The following RRAS2 variants were observed in gnomAD, a reference collection of about 807,000 sequenced individuals.
RRAS2 encodes the protein RAS related 2.
RRAS2 carries 7 observed loss-of-function variants against 27.6 expected under a neutral mutation model. That is an observed-to-expected ratio of 0.25 (90% confidence interval 0.14 to 0.48). RRAS2 has a LOEUF of 0.48. Ranked by LOEUF, RRAS2 falls within the 20% of genes least tolerant of loss-of-function variation. The pLI is 0.99. For missense variants in RRAS2, 178 were observed against 256.2 expected, an observed-to-expected ratio of 0.69 and a Z score of 2.08; for synonymous variants, 86 against 90.9, an observed-to-expected ratio of 0.95 and a Z score of 0.31.
chr11:14,318,005 T>C (rs1848148681), intron 1 of RRAS2, among the ~76,000 whole-genome samples: 1 of 152,212 alleles, frequency 6.6e-6, no homozygotes, highest in African/African-American at 2.4e-5. Context: ...CAGGTCATTT[T>C]CAAACGGAGC....
chr11:14,348,559 C>G (rs979730702), intron 1 of RRAS2, among the ~76,000 whole-genome samples: 12 of 152,122 alleles, frequency 7.9e-5, no homozygotes, highest in Non-Finnish European at 1.6e-4. Context: ...ATCATAGATC[C>G]TTACTCTATT....
At chr11:14,355,275 C>T (rs1849048843) in intron 1 of RRAS2, among the ~76,000 whole-genome samples, 1 of 152,088 alleles carries the variant, frequency 6.6e-6, no homozygotes, top group Admixed American at 6.5e-5. Context: ...TAAGAAACTA[C>T]TCAAAGTCAC....
At chr11:14,352,756 T>TATAG (rs1218929558) in intron 1 of RRAS2, among the ~76,000 whole-genome samples, 3 of 128,676 alleles carry the variant, frequency 2.3e-5, no homozygotes, top group Admixed American at 8.1e-5. Context: ...TATATATATA[T>TATAG]AGAGAGAGAG....
chr11:14,334,126 C>T (rs138407394), intron 1 of RRAS2, among the ~76,000 whole-genome samples: 7 of 152,238 alleles, frequency 4.6e-5, no homozygotes, highest in African/African-American at 1.4e-4. Flanking sequence ...ACTACTGGGT[C>T]GAAATTTATG....
rs371621684 is a variant in RRAS2, at chr11:14,302,649, G to T, written c.109-6794C>A. Among the ~76,000 whole-genome samples the T allele has an allele frequency of 3.3e-4, 50 of 152,276 alleles. No homozygotes were observed. In the East Asian group the frequency reaches 6.9e-3, roughly 21 times the overall value. On this transcript the variant is annotated intron_variant, in intron 1 of 5. Coordinates refer to ENST00000256196, the MANE Select transcript of RRAS2 (RefSeq NM_012250.6). The stretch of plus-strand genomic sequence containing the variant: ...AGCTGCTCCCACTCCCAGGGAGTAG[G>T]GGGAAGCTCACAAAGTTGCCCCTCG...
intron 1 of RRAS2, among the ~76,000 whole-genome samples, chr11:14,297,832 C>T (rs1225864157): frequency 6.6e-6 from 1 of 151,928 alleles, no homozygotes; most frequent in Non-Finnish European, 1.5e-5. Context: ...TATCTATAAT[C>T]CTATTTGTTT....
chr11:14,331,129 T>C (rs546748644), intron 1 of RRAS2, among the ~76,000 whole-genome samples: 1 of 152,292 alleles, frequency 6.6e-6, no homozygotes, highest in African/African-American at 2.4e-5. Context: ...CCTGGGAGAA[T>C]ATGAAGATGA....
At chr11:14,327,273 G>A (rs533318498) in intron 1 of RRAS2, among the ~76,000 whole-genome samples, 5 of 152,276 alleles carry the variant, frequency 3.3e-5, no homozygotes, top group Non-Finnish European at 2.9e-5. Flanking sequence ...CTCACTTCAA[G>A]TGGTGTGTAA....
intron 1 of RRAS2, among the ~76,000 whole-genome samples, chr11:14,340,491 C>G (rs1384983633): frequency 1.3e-5 from 2 of 152,056 alleles, no homozygotes; most frequent in East Asian, 3.9e-4. Context: ...CATTAAGAAC[C>G]ATTTCCAATT....
intron 1 of RRAS2, among the ~76,000 whole-genome samples, chr11:14,339,299 G>A (rs1186453010): frequency 7.6e-6 from 1 of 131,580 alleles, no homozygotes; most frequent in African/African-American, 2.7e-5. Context: ...AAAAAGGGGG[G>A]GGGGGGAAGA....
chr11:14,350,991 T>C (rs1192553793), intron 1 of RRAS2, among the ~76,000 whole-genome samples: 3 of 152,234 alleles, frequency 2.0e-5, no homozygotes, highest in South Asian at 4.1e-4. Context: ...ACCTTGTACA[T>C]GTGTATTTTC....
chr11:14,346,780 T>C (rs1848841722), intron 1 of RRAS2, among the ~76,000 whole-genome samples: 1 of 152,224 alleles, frequency 6.6e-6, no homozygotes, highest in Admixed American at 6.5e-5. Context: ...ATGTTAGCTA[T>C]ATTTAGTCAT....
At chr11:14,297,045 G>T (rs1296374639) in intron 1 of RRAS2, among the ~76,000 whole-genome samples, 1 of 152,038 alleles carries the variant, frequency 6.6e-6, no homozygotes, top group Non-Finnish European at 1.5e-5. Context: ...AAAGAAAAAG[G>T]TTTAAAAAAG....
chr11:14,295,050 A>G lies in RRAS2; in HGVS notation c.197-188T>C, dbSNP rs540771234. ...ATATTCTAATGGCAGACAGTTACAG[A>G]GTTTATCTTCATCAGTATGGGTTGA... On this transcript the variant is annotated intron_variant, in intron 2 of 5. Transcript: ENST00000256196. Among the ~76,000 whole-genome samples, 10 of 152,298 alleles carry G rather than the reference A, an allele frequency of 6.6e-5. No individual in the cohort carries two copies. The East Asian group carries it at 1.9e-3, about 29-fold the overall frequency.
In RRAS2 at chr11:14,358,673, G is replaced by A. The variant is rs1262386968; in HGVS notation, c.108+90C>T. On this transcript the variant is annotated intron_variant, in intron 1 of 5. Transcript: ENST00000256196. The surrounding 1 kb of genome is among the most constrained non-coding windows in gnomAD (Gnocchi z 5.1). ...GGCCCGGGCCCGCGAGGCGCCTCTG[G>A]GGCGAGGTCGCGGCGGCCGCCCCGC... 5.6e-5 allele frequency: 57 copies of A among 1,015,514 alleles called. No homozygotes were observed. The highest frequency in any genetic ancestry group is 4.8e-4 in the Middle Eastern group (1 of 2,090). The allele number at this position is 1,015,514 out of a possible 1,614,324, so 62.9% of individuals were successfully genotyped here. A position where few individuals can be genotyped will look rare whatever the true frequency, so the allele number is the denominator to read the frequency against.
At chr11:14,324,776 A>G (rs1412672801) in intron 1 of RRAS2, among the ~76,000 whole-genome samples, 1 of 152,218 alleles carries the variant, frequency 6.6e-6, no homozygotes, top group East Asian at 1.9e-4. Flanking sequence ...CGAAATTTAG[A>G]ATGGAAATGA....
intron 4 of RRAS2, among the ~76,000 whole-genome samples, chr11:14,293,822 T>C (rs1043642120): frequency 6.6e-6 from 1 of 152,170 alleles, no homozygotes; most frequent in South Asian, 2.1e-4. Context: ...CAACTGACCT[T>C]GTTCCCCTCC....
chr11:14,354,323 T>C (rs1849027065), intron 1 of RRAS2: 1 of 152,106 alleles, frequency 6.6e-6, no homozygotes. Context: ...CTAAAAAAAA[T>C]ATATAAACCT....
At chr11:14,316,709 C>T (rs563931853) in intron 1 of RRAS2, among the ~76,000 whole-genome samples, 33 of 152,318 alleles carry the variant, frequency 2.2e-4, no homozygotes, top group Middle Eastern at 3.4e-3. Context: ...CACCACTGCA[C>T]TTAGCCTGGG....
Sources: allele counts gnomAD v4.1 joint callset (sites outside exome capture counted in the v4.1 genomes callset), GRCh38; gene constraint gnomAD v4.1.1; non-coding constraint Gnocchi (gnomAD v3.1); transcripts MANE v1.5; gene names NCBI Gene and HGNC (gene_info 2026-07-23, HGNC 2026-07-21).